Variants in PTTG1IP2 observed in about 807,000 individuals in gnomAD.
PTTG1IP2 encodes PTTG1IP family member 2.
intron 1 of PTTG1IP2, among the ~76,000 whole-genome samples, chr7:90,474,128 C>T (rs1797720027): frequency 6.6e-6 from 1 of 152,150 alleles, no homozygotes; most frequent in Non-Finnish European, 1.5e-5. Context: ...CTAGATTAGC[C>T]TATTGCTCCT....
chr7:90,512,184 G>A (rs1798197641), intron 6 of PTTG1IP2, among the ~76,000 whole-genome samples: 1 of 152,160 alleles, frequency 6.6e-6, no homozygotes, highest in Non-Finnish European at 1.5e-5. Flanking sequence ...TTTGCCTTGT[G>A]CCAGGCATTG....
At chr7:90,512,676 G>A (rs1798204174) in intron 6 of PTTG1IP2, among the ~76,000 whole-genome samples, 1 of 152,182 alleles carries the variant, frequency 6.6e-6, no homozygotes, top group Non-Finnish European at 1.5e-5. Context: ...CATTTGAGAT[G>A]GAAGAGCAAA....
intron 1 of PTTG1IP2, among the ~76,000 whole-genome samples, chr7:90,478,096 C>CAAAAAAAAAAAAAA (rs370035849): frequency 2.9e-5 from 2 of 68,060 alleles, no homozygotes. Flanking sequence ...GACTCCGTCT[C>CAAAAAAAAAAAAAA]AAAAAAAAAA....
intron 2 of PTTG1IP2, among the ~76,000 whole-genome samples, chr7:90,481,863 C>G (rs1442310563): frequency 1.3e-5 from 2 of 152,090 alleles, no homozygotes; most frequent in African/African-American, 4.8e-5. Flanking sequence ...CATTCAATAA[C>G]TATTGAATTA....
chr7:90,473,026 C>G (rs1797708689), intron 1 of PTTG1IP2, among the ~76,000 whole-genome samples: 1 of 152,148 alleles, frequency 6.6e-6, no homozygotes, highest in Non-Finnish European at 1.5e-5. Context: ...GAACTTGTGA[C>G]TCACTTTCTA....
At chr7:90,495,964 G>T (rs555782136) in intron 6 of PTTG1IP2, among the ~76,000 whole-genome samples, 21 of 152,268 alleles carry the variant, frequency 1.4e-4, no homozygotes, top group Middle Eastern at 3.4e-3. Context: ...TTGGGGTTGG[G>T]GGGGAGTACT....
intron 1 of PTTG1IP2, among the ~76,000 whole-genome samples, chr7:90,471,300 C>A (rs1373474414): frequency 2.6e-5 from 4 of 152,132 alleles, no homozygotes; most frequent in African/African-American, 9.7e-5. Flanking sequence ...CCAGATTGTG[C>A]CCTAAGTGAC....
In PTTG1IP2 at chr7:90,508,263, C is replaced by CA. The variant is rs5885728; in HGVS notation, c.*51-4998dup. Reference sequence around the variant, plus strand: ...TCTGGGCAACAGTGAGAACTCGTCTCAAAAAAAAAAAAAAAAAGAAAAGAA... The same window carrying CA: ...TCTGGGCAACAGTGAGAACTCGTCTCAAAAAAAAAAAAAAAAAAGAAAAGAA... On this transcript the variant is annotated intron_variant, in intron 6 of 6. Transcript: ENST00000509356. Among the ~76,000 whole-genome samples, 712 of 76,520 alleles carry CA rather than the reference C, an allele frequency of 9.3e-3. 6 individuals are homozygous for CA. The highest frequency in any genetic ancestry group is 0.031 in the African/African-American group (558 of 18,266). 50.2% of individuals were successfully genotyped at this position (76,520 alleles called of 152,430 possible). A position where few individuals can be genotyped will look rare whatever the true frequency, so the allele number is the denominator to read the frequency against.
rs1392474183 is a variant in PTTG1IP2, at chr7:90,488,926, C to T, written c.342C>T (p.Phe114=). The change falls in exon 4 of 7, where the codon TTC becomes TTT. Residue 114 remains phenylalanine (F), a synonymous_variant. Transcript: ENST00000509356. ...TCATTGCAGTATTAATTACAGGATT[C>T]GTTTGGTACTGCTGCGCCTATCACT... is the stretch of plus-strand genomic sequence containing the variant. ...LLLIAVLITG[F]VWYCCAYHFY... is the part of the protein sequence containing the mutation. The T allele has an allele frequency of 5.3e-5, 8 of 151,854 alleles. No homozygotes were observed. Among genetic ancestry groups the T allele is most frequent in the East Asian group, 1.9e-4 (1 of 5,198 alleles). The allele number at this position is 151,854 out of a possible 1,614,324, so 9.4% of individuals were successfully genotyped here.
chr7:90,485,646 G>A (rs1001753032), intron 2 of PTTG1IP2, among the ~76,000 whole-genome samples: 14 of 152,096 alleles, frequency 9.2e-5, no homozygotes, highest in Admixed American at 2.6e-4. Context: ...GCTACCAAAG[G>A]AGTCTCTTTT....
chr7:90,485,791 CA>C (rs1234540785), intron 2 of PTTG1IP2, among the ~76,000 whole-genome samples: 2 of 152,174 alleles, frequency 1.3e-5, no homozygotes, highest in Non-Finnish European at 2.9e-5. Context: ...CTTAAGTGCG[CA>C]TAGCTCTTAG....
chr7:90,495,204 G>A (rs1357434524), intron 6 of PTTG1IP2, among the ~76,000 whole-genome samples: 1 of 152,142 alleles, frequency 6.6e-6, no homozygotes, highest in African/African-American at 2.4e-5. Context: ...CTAAATTATT[G>A]TTTTGGTGAC....
chr7:90,507,083 T>A (rs1196338368), intron 6 of PTTG1IP2, among the ~76,000 whole-genome samples: 1 of 152,212 alleles, frequency 6.6e-6, no homozygotes, highest in Non-Finnish European at 1.5e-5. Flanking sequence ...TAAAACTTCA[T>A]CAAATTCTTG....
intron 6 of PTTG1IP2, among the ~76,000 whole-genome samples, chr7:90,503,223 C>T (rs1798082511): frequency 6.6e-6 from 1 of 152,176 alleles, no homozygotes; most frequent in African/African-American, 2.4e-5. Context: ...CCTCTCTCAG[C>T]CTTCATAGAA....
At chr7:90,501,864 G>T (rs935253036) in intron 6 of PTTG1IP2, among the ~76,000 whole-genome samples, 2 of 152,154 alleles carry the variant, frequency 1.3e-5, no homozygotes, top group African/African-American at 4.8e-5. Context: ...TTTCATTAAA[G>T]ATTTCTTTGC....
chr7:90,473,089 C>T (rs908652538), intron 1 of PTTG1IP2, among the ~76,000 whole-genome samples: 83 of 152,250 alleles, frequency 5.5e-4, no homozygotes, highest in African/African-American at 2.0e-3. Context: ...TAACATGGCT[C>T]CCAAACAGTA....
rs182555685 is a variant in PTTG1IP2, at chr7:90,504,291, G to A, written c.*51-8987G>A. 1.8e-3 allele frequency among the ~76,000 whole-genome samples: 267 copies of A among 151,740 alleles called. 5 individuals carry two copies. The South Asian group carries it at 0.02, about 11-fold the overall frequency. ...AGATCACGCCACTGCACTCCAGCCC[G>A]GGCGACAGAGTGAGACTCCATGTCA... On this transcript the variant is annotated intron_variant, in intron 6 of 6. Transcript: ENST00000509356.
At chr7:90,495,402 A>C (rs1299811501) in intron 6 of PTTG1IP2, among the ~76,000 whole-genome samples, 1 of 152,218 alleles carries the variant, frequency 6.6e-6, no homozygotes, top group East Asian at 1.9e-4. Flanking sequence ...TGGCATGTCA[A>C]ATGATGGACA....
chr7:90,484,154 T>G (rs987597566), intron 2 of PTTG1IP2, among the ~76,000 whole-genome samples: 2 of 152,114 alleles, frequency 1.3e-5, no homozygotes, highest in East Asian at 3.9e-4. Flanking sequence ...CCCATAATTT[T>G]AGAAATCATT....
Sources: allele counts gnomAD v4.1 joint callset (sites outside exome capture counted in the v4.1 genomes callset), GRCh38; gene constraint gnomAD v4.1.1; transcripts MANE v1.5; gene names NCBI Gene and HGNC (gene_info 2026-07-23, HGNC 2026-07-21).